The following ORC4 variants were observed in gnomAD, a reference collection of about 807,000 sequenced individuals.
ORC4 encodes origin recognition complex, subunit 4 homolog.
ORC4 carries 55 observed loss-of-function variants against 63.9 expected under a neutral mutation model. The ratio of observed to expected loss-of-function variants is 0.86; its 90% confidence interval spans 0.69 to 1.08. The LOEUF is 1.08. Ranked by LOEUF, ORC4 falls within the 50% of genes least tolerant of loss-of-function variation. The pLI is 0.00. For synonymous variants in ORC4, 150 were observed against 168.5 expected, an observed-to-expected ratio of 0.89 and a Z score of 0.85; for missense variants, 511 against 504.4, an observed-to-expected ratio of 1.01 and a Z score of -0.13.
rs2105272090 is a variant in ORC4, at chr2:147,943,485, T to C, written c.800A>G (p.Gln267Arg). ...GTTTTTGCTGATATTGAAATGCTTC[T>C]GTAGTACTTCTTGCACACTTCTATC... Reference protein sequence around the residue: ...SEDRSVQEVLQKHFNISKNLR... With the variant: ...SEDRSVQEVLRKHFNISKNLR... The change falls in exon 10 of 14, where the codon CAG becomes CGG. Residue 267 changes from glutamine to arginine, a missense_variant. Gln to Arg is a conservative substitution (Grantham distance 43). Coordinates refer to ENST00000392857, the MANE Select transcript of ORC4 (RefSeq NM_181741.4). The C allele has an allele frequency of 1.9e-6, 3 of 1,606,826 alleles. No homozygotes were observed. Among genetic ancestry groups the C allele is most frequent in the Non-Finnish European group, 2.6e-6 (3 of 1,174,430 alleles).
At chr2:148,006,645 G>A (rs1019684808) in intron 1 of ORC4, among the ~76,000 whole-genome samples, 4 of 152,134 alleles carry the variant, frequency 2.6e-5, no homozygotes, top group Admixed American at 6.5e-5. Flanking sequence ...CTTTTGCTCC[G>A]GGATGGCATT....
At chr2:147,952,285 A>C in intron 8 of ORC4, 88 bp downstream of exon 8, 1 of 990,838 alleles carries the variant, frequency 1.0e-6, no homozygotes, top group Non-Finnish European at 1.5e-6. Context: ...AAATGACCTA[A>C]ATAAGTGAAA....
chr2:147,939,444 T>TA (rs1357530864), intron 10 of ORC4, among the ~76,000 whole-genome samples, 196 bp from the exon 11 acceptor site: 1 of 152,104 alleles, frequency 6.6e-6, no homozygotes, highest in Non-Finnish European at 1.5e-5. Flanking sequence ...ATGTAAAGCA[T>TA]AAAAAAAGTT....
chr2:147,998,722 GGT>G (rs1692127715), intron 1 of ORC4, among the ~76,000 whole-genome samples: 1 of 152,052 alleles, frequency 6.6e-6, no homozygotes, highest in South Asian at 2.1e-4. Flanking sequence ...GACTAAGGCA[GGT>G]CAAAATTTCA....
At chr2:147,980,848 A>T (rs967411248) in intron 1 of ORC4, among the ~76,000 whole-genome samples, 1 of 152,180 alleles carries the variant, frequency 6.6e-6, no homozygotes, top group Non-Finnish European at 1.5e-5. Flanking sequence ...ATGACCGGTA[A>T]TCCCACTCCT....
chr2:148,016,888 T>G (rs1173236436), intron 1 of ORC4, among the ~76,000 whole-genome samples: 1 of 152,166 alleles, frequency 6.6e-6, no homozygotes, highest in African/African-American at 2.4e-5. Flanking sequence ...CCAAAAACAG[T>G]GAAATGTTAT....
intron 10 of ORC4, 87 bp downstream of exon 10, chr2:147,943,349 G>T (rs761259004): frequency 7.7e-5 from 67 of 865,980 alleles, no homozygotes; most frequent in Non-Finnish European, 1.1e-4. Context: ...CCAGGAGTTC[G>T]CAACCAGTCT....
chr2:147,937,147 G>T (rs1271625041), intron 13 of ORC4: 7 of 151,492 alleles, frequency 4.6e-5, no homozygotes, highest in African/African-American at 7.3e-5. Context: ...TTTCTTTGAA[G>T]AAATGGCAAT....
At chr2:147,980,462 G>A (rs1398635595) in intron 1 of ORC4, among the ~76,000 whole-genome samples, 1 of 151,686 alleles carries the variant, frequency 6.6e-6, no homozygotes, top group Non-Finnish European at 1.5e-5. Context: ...GATACAGAGG[G>A]ATGACTGTAT....
rs370447536 is a variant in ORC4 at position 148,001,737 on chromosome 2, A to G, written c.-18+18896T>C. 2.0e-4 allele frequency among the ~76,000 whole-genome samples: 31 copies of G among 152,324 alleles called. No individual in the cohort carries two copies. In the South Asian group the frequency reaches 6.4e-3, roughly 32 times the overall value. On this transcript the variant is annotated intron_variant, in intron 1 of 13. Transcript: ENST00000392857. The stretch of plus-strand genomic sequence containing the variant: ...AATAACCAGCTAGCATCATAATGAT[A>G]GTACCAAATTCACACATAACAATAT...
At chr2:148,011,937 T>G (rs989974041) in intron 1 of ORC4, among the ~76,000 whole-genome samples, 1 of 151,866 alleles carries the variant, frequency 6.6e-6, no homozygotes, top group Non-Finnish European at 1.5e-5. Context: ...ATTGATGAAA[T>G]TAATTGAAGA....
rs1401411982 is a variant in ORC4, at chr2:147,933,436, T to C, written c.*2074A>G. On this transcript the variant is annotated 3_prime_UTR_variant, in exon 14 of 14. Transcript: ENST00000392857. ...GGAATATAATAGGCGTACACTTCAT[T>C]TGTGTAACTTTTCCTAATGTATTTT... 1 of 152,156 alleles carries C rather than the reference T, an allele frequency of 6.6e-6. No individual in the cohort carries two copies. The highest frequency in any genetic ancestry group is 2.4e-5 in the African/African-American group (1 of 41,458). 9.4% of individuals were successfully genotyped at this position (152,156 alleles called of 1,614,324 possible).
chr2:147,988,749 T>C (rs964071029), intron 1 of ORC4, among the ~76,000 whole-genome samples: 6 of 151,018 alleles, frequency 4.0e-5, no homozygotes, highest in Non-Finnish European at 8.8e-5. Context: ...GAAAAATGGC[T>C]GCCTGTCAAC....
chr2:147,988,726 T>G (rs1431430361), intron 1 of ORC4, among the ~76,000 whole-genome samples: 1 of 151,990 alleles, frequency 6.6e-6, no homozygotes, highest in East Asian at 1.9e-4. Flanking sequence ...CAACTGCAGC[T>G]TTTTCCTGGA....
At chr2:147,942,800 C>T (rs562599168) in intron 10 of ORC4, among the ~76,000 whole-genome samples, 39 of 151,648 alleles carry the variant, frequency 2.6e-4, no homozygotes, top group African/African-American at 9.2e-4. Context: ...AAAAAAAAAC[C>T]GTCACTATTT....
intron 1 of ORC4, among the ~76,000 whole-genome samples, chr2:148,020,312 G>A (rs1249850515): frequency 1.3e-5 from 2 of 152,294 alleles, no homozygotes; most frequent in South Asian, 2.1e-4. Flanking sequence ...AGGGTCAATT[G>A]CTGAGGCTTC....
intron 1 of ORC4, among the ~76,000 whole-genome samples, chr2:148,015,286 A>T (rs1693208157): frequency 6.6e-6 from 1 of 151,114 alleles, no homozygotes; most frequent in Non-Finnish European, 1.5e-5. Context: ...GCATTGTTGG[A>T]ATTTGCCATT....
intron 4 of ORC4, among the ~76,000 whole-genome samples, chr2:147,967,657 C>A (rs1002290770): frequency 6.6e-6 from 1 of 151,842 alleles, no homozygotes; most frequent in Non-Finnish European, 1.5e-5. Context: ...GGAGGATACA[C>A]ACAAATGAAA....
At chr2:148,013,860 C>T (rs138099532) in intron 1 of ORC4, among the ~76,000 whole-genome samples, 3,373 of 152,094 alleles carry the variant, frequency 0.022, 45 homozygotes, top group Middle Eastern at 0.034. Context: ...TTTCTGCTGA[C>T]GCCAACAAAA....
Sources: allele counts gnomAD v4.1 joint callset (sites outside exome capture counted in the v4.1 genomes callset), GRCh38; gene constraint gnomAD v4.1.1; transcripts MANE v1.5; gene names NCBI Gene and HGNC (gene_info 2026-07-23, HGNC 2026-07-21).